Variants in LUZP2 observed in about 807,000 individuals in gnomAD.
The protein encoded by LUZP2 is leucine zipper protein 2.
Under a neutral mutation model 51.6 loss-of-function variants are expected in LUZP2, and 52 were observed. The ratio of observed to expected loss-of-function variants is 1.01; its 90% CI spans 0.81 to 1.27. The LOEUF (loss-of-function observed/expected upper bound fraction) is 1.27, where lower values mean the gene tolerates loss of function less well. Ranked by LOEUF, LUZP2 falls within the 50% of genes most tolerant of loss-of-function variation. The pLI is 0.00. For synonymous variants in LUZP2, 154 were observed against 137.3 expected, an observed-to-expected ratio of 1.12 and a Z score of -0.85; for missense variants, 436 against 395.4, an observed-to-expected ratio of 1.10 and a Z score of -0.87.
At chr11:24,873,320 A>G (rs994281335) in intron 5 of LUZP2, among the ~76,000 whole-genome samples, 7 of 152,214 alleles carry the variant, frequency 4.6e-5, no homozygotes, top group African/African-American at 1.2e-4. Flanking sequence ...AATTTTTGAA[A>G]TAATTAGAAG....
At chr11:24,541,942 A>C (rs369721593) in intron 1 of LUZP2, among the ~76,000 whole-genome samples, 2 of 152,210 alleles carry the variant, frequency 1.3e-5, no homozygotes, top group South Asian at 4.1e-4. Flanking sequence ...TGTTGCCATA[A>C]TAGGAAGTTC....
At chr11:25,022,038 T>A (rs1199385780) in intron 9 of LUZP2, among the ~76,000 whole-genome samples, 1 of 152,026 alleles carries the variant, frequency 6.6e-6, no homozygotes, top group Non-Finnish European at 1.5e-5. Flanking sequence ...TTTTCCCTCC[T>A]CAGTCCAGTA....
chr11:24,692,922 AT>A (rs1234244665), intron 1 of LUZP2, among the ~76,000 whole-genome samples: 2 of 151,812 alleles, frequency 1.3e-5, no homozygotes, highest in Admixed American at 1.3e-4. Context: ...CACAGCTGCT[AT>A]TTCATTTTTT....
At chr11:24,898,321 C>T (rs1259495802) in intron 5 of LUZP2, among the ~76,000 whole-genome samples, 2 of 151,920 alleles carry the variant, frequency 1.3e-5, no homozygotes, top group African/African-American at 4.8e-5. Context: ...GCAGTAACAT[C>T]ATCTTTAAAA....
intron 7 of LUZP2, among the ~76,000 whole-genome samples, chr11:24,935,878 C>T (rs539837772): frequency 1.3e-5 from 2 of 151,966 alleles, no homozygotes; most frequent in East Asian, 3.9e-4. Context: ...ATCTTTTATC[C>T]TAATGGTGAT....
intron 4 of LUZP2, among the ~76,000 whole-genome samples, chr11:24,752,201 T>C (rs1859617761): frequency 6.6e-6 from 1 of 151,946 alleles, no homozygotes. Flanking sequence ...TTTTAAAATA[T>C]CAAAATAAAA....
intron 10 of LUZP2, among the ~76,000 whole-genome samples, chr11:25,067,142 G>A (rs1859020499): frequency 6.6e-6 from 1 of 151,954 alleles, no homozygotes; most frequent in South Asian, 2.1e-4. Flanking sequence ...ATGTAGTGTA[G>A]GTTTTAGGCA....
At chr11:24,921,522 C>T (rs1183717725) in intron 7 of LUZP2, among the ~76,000 whole-genome samples, 1 of 152,090 alleles carries the variant, frequency 6.6e-6, no homozygotes, top group East Asian at 1.9e-4. Context: ...ACTTTCTAAT[C>T]GCCGGCATGT....
intron 4 of LUZP2, chr11:24,762,926 C>A (rs1860034308): frequency 5.5e-6 from 5 of 909,246 alleles, no homozygotes; most frequent in Non-Finnish European, 6.6e-6. Context: ...TCTATTTTTT[C>A]TTTTTTTAAA....
At chr11:24,994,896 T>A (rs568118805) in intron 9 of LUZP2, among the ~76,000 whole-genome samples, 75 of 152,324 alleles carry the variant, frequency 4.9e-4, no homozygotes, top group Admixed American at 1.3e-3. Context: ...TGTAATATTC[T>A]ATATTCTAGG....
chr11:25,040,343 A>ATTTTGTTTTTTTTTTTTTT (rs1858012062), intron 9 of LUZP2, among the ~76,000 whole-genome samples: 2 of 98,828 alleles, frequency 2.0e-5, no homozygotes, highest in Non-Finnish European at 1.8e-5. Flanking sequence ...TTTCTTTCCG[A>ATTTTGTTTTTTTTTTTTTT]TTTTTTTTTT....
intron 5 of LUZP2, among the ~76,000 whole-genome samples, chr11:24,806,350 G>T (rs893674823): frequency 2.0e-5 from 3 of 152,092 alleles, no homozygotes; most frequent in Non-Finnish European, 2.9e-5. Context: ...CACGGAATTT[G>T]GTATATGTTA....
chr11:24,776,545 C>T (rs896548565), intron 5 of LUZP2, among the ~76,000 whole-genome samples: 2 of 152,078 alleles, frequency 1.3e-5, no homozygotes, highest in African/African-American at 4.8e-5. Context: ...CTGCCATCCT[C>T]GATCATTTTC....
At chr11:25,070,387 G>T (rs1859119058) in intron 10 of LUZP2, among the ~76,000 whole-genome samples, 1 of 151,864 alleles carries the variant, frequency 6.6e-6, no homozygotes, top group Non-Finnish European at 1.5e-5. Flanking sequence ...GCAAAGATAA[G>T]ATATTTATTA....
intron 9 of LUZP2, among the ~76,000 whole-genome samples, chr11:24,995,829 A>G (rs1003533757): frequency 1.3e-5 from 2 of 151,902 alleles, no homozygotes; most frequent in Non-Finnish European, 2.9e-5. Flanking sequence ...CTTGCTGTTT[A>G]CTTGTTTCCA....
At chr11:24,804,391 C>T (rs1185357909) in intron 5 of LUZP2, among the ~76,000 whole-genome samples, 1 of 152,004 alleles carries the variant, frequency 6.6e-6, no homozygotes, top group Non-Finnish European at 1.5e-5. Flanking sequence ...GGCAGCTACC[C>T]CTATAATAAA....
intron 4 of LUZP2, among the ~76,000 whole-genome samples, chr11:24,739,535 T>C (rs1235764529): frequency 1.3e-5 from 2 of 152,018 alleles, no homozygotes. Flanking sequence ...GCAAGGCTGA[T>C]CCAGCACATC....
chr11:24,662,295 C>A lies in LUZP2; in HGVS notation c.63-66874C>A, dbSNP rs151174424. On this transcript the variant is annotated intron_variant, in intron 1 of 11. Transcript: ENST00000336930. ...CAGTTTTCTGTGAAAAAAAAATCAA[C>A]AATTGTAGACCATGAAAATTTCTTA... 5.8e-3 allele frequency among the ~76,000 whole-genome samples: 879 copies of A among 151,786 alleles called. 9 individuals carry two copies. Among genetic ancestry groups the A allele is most frequent in the Non-Finnish European group, 7.3e-3 (493 of 67,908 alleles).
intron 1 of LUZP2, among the ~76,000 whole-genome samples, chr11:24,630,410 A>C (rs916540664): frequency 2.0e-5 from 3 of 152,006 alleles, no homozygotes; most frequent in Non-Finnish European, 4.4e-5. Context: ...TGCATAAAGC[A>C]TTCTAATTTT....
Sources: gnomAD v4.1 joint callset for allele counts (sites outside exome capture counted in the v4.1 genomes callset) on GRCh38, gnomAD v4.1.1 for gene constraint, MANE v1.5 for transcripts, NCBI Gene and HGNC (gene_info 2026-07-23, HGNC 2026-07-21) for gene names.